CDK5RAP1: variants seen among roughly 807,000 people sequenced by gnomAD.
The protein encoded by CDK5RAP1 is mitochondrial tRNA methylthiotransferase CDK5RAP1.
In CDK5RAP1, 62 loss-of-function variants were observed where a neutral mutation model predicts 64.5. The observed-to-expected ratio is 0.96, with a 90% CI of 0.78 to 1.19. CDK5RAP1 has a LOEUF of 1.19. Ranked by LOEUF, CDK5RAP1 falls within the 50% of genes most tolerant of loss-of-function variation. The pLI is 0.00. For synonymous variants in CDK5RAP1, 250 were observed against 261.9 expected (o/e 0.95, Z 0.44); for missense variants, 657 against 735.0 (o/e 0.89, Z 1.23).
intron 7 of CDK5RAP1, among the ~76,000 whole-genome samples, chr20:33,383,121 C>T (rs560174561): frequency 7.3e-5 from 11 of 151,404 alleles, no homozygotes; most frequent in Admixed American, 3.3e-4. Context: ...GCGGAGGTTG[C>T]GGTGAGCCAA....
chr20:33,388,858 C>T (rs760563296), intron 5 of CDK5RAP1, among the ~76,000 whole-genome samples: 44 of 152,060 alleles, frequency 2.9e-4, no homozygotes, highest in Non-Finnish European at 3.7e-4. Flanking sequence ...AGCTCCTAAC[C>T]GGGAGTGATC....
intron 4 of CDK5RAP1, among the ~76,000 whole-genome samples, chr20:33,393,822 A>T (rs1423577551): frequency 6.6e-6 from 1 of 152,168 alleles, no homozygotes; most frequent in African/African-American, 2.4e-5. Flanking sequence ...TTGTTAATGC[A>T]TTATGTTACT....
Position 33,372,659 on chromosome 20 carries a change from AT to A in CDK5RAP1, c.1243del (p.Ile415LeufsTer8). On this transcript the variant is annotated frameshift_variant, in exon 10 of 14. Transcript: ENST00000346416. LOFTEE classifies it high-confidence loss of function. ...REAYVELVHH[I>X]RESIPGVSLS... The stretch of plus-strand genomic sequence containing the variant: ...AAATGTACCTGGAATAGATTCTCTA[AT>A]ATGGTGAACTAACTCCACATAAGCT... The A allele has an allele frequency of 6.4e-7, 1 of 1,563,336 alleles. No individual in the cohort carries two copies. The highest frequency in any genetic ancestry group is 8.6e-7 in the Non-Finnish European group (1 of 1,158,006).
chr20:33,385,063 G>A (rs562700183), intron 7 of CDK5RAP1, among the ~76,000 whole-genome samples: 5 of 152,204 alleles, frequency 3.3e-5, no homozygotes, highest in East Asian at 1.9e-4. Flanking sequence ...ATTCAGGCCC[G>A]GGGCTAAGGA....
chr20:33,373,149 C>CGTGTGTGTGTGT (rs148856565), intron 9 of CDK5RAP1: 1,453 of 139,996 alleles, frequency 0.01, 29 homozygotes, highest in African/African-American at 0.024. Flanking sequence ...CCATGTTGCC[C>CGTGTGTGTGTGT]GTGTGTGTGT....
Position 33,392,137 on chromosome 20 carries a change from G to A in CDK5RAP1, c.544+5C>T, listed in dbSNP as rs1175805201. Reference sequence around the variant, plus strand: ...AGCTGACAAAATGTGCAAATTACCAGATACCTAGAATTCCAATCCTCAGAG... The same window carrying A: ...AGCTGACAAAATGTGCAAATTACCAAATACCTAGAATTCCAATCCTCAGAG... On this transcript the variant is annotated splice_donor_5th_base_variant and intron_variant, in intron 5 of 13. Transcript: ENST00000346416. The A allele has an allele frequency of 1.9e-6, 3 of 1,577,548 alleles. No individual in the cohort carries two copies. The Admixed American group carries it at 5.2e-5, about 27-fold the overall frequency.
intron 7 of CDK5RAP1, among the ~76,000 whole-genome samples, chr20:33,382,790 C>T (rs1422026475): frequency 6.6e-6 from 1 of 150,980 alleles, no homozygotes; most frequent in South Asian, 2.1e-4. Flanking sequence ...ACTTGAGTCC[C>T]GGGGGCAGAG....
At chr20:33,399,837 G>A (rs976480788) in intron 1 of CDK5RAP1, among the ~76,000 whole-genome samples, 1 of 152,096 alleles carries the variant, frequency 6.6e-6, no homozygotes, top group African/African-American at 2.4e-5. Flanking sequence ...ACCAGCCTGG[G>A]CAACATGGCA....
At chr20:33,380,930 G>C (rs957798014) in intron 7 of CDK5RAP1, among the ~76,000 whole-genome samples, 4 of 152,136 alleles carry the variant, frequency 2.6e-5, no homozygotes, top group Non-Finnish European at 5.9e-5. Flanking sequence ...AACCCAGGAG[G>C]CAGAGGCTGC....
chr20:33,372,305 T>C (rs1361535581), intron 10 of CDK5RAP1, among the ~76,000 whole-genome samples: 1 of 151,550 alleles, frequency 6.6e-6, no homozygotes, highest in Non-Finnish European at 1.5e-5. Flanking sequence ...TATCAATTGT[T>C]CTCAAATCAG....
chr20:33,389,036 C>T (rs1192229425), intron 5 of CDK5RAP1, among the ~76,000 whole-genome samples: 1 of 152,306 alleles, frequency 6.6e-6, no homozygotes. Context: ...AGCCTCTGCC[C>T]GGCCGCCACC....
At chr20:33,379,736 C>T in intron 7 of CDK5RAP1, 45 bp from the exon 8 acceptor site, 1 of 1,407,790 alleles carries the variant, frequency 7.1e-7, no homozygotes, top group Non-Finnish European at 9.9e-7. Flanking sequence ...TTTTGGGTAG[C>T]TTCATAAAAA....
At chr20:33,365,944 G>A (rs1044962606) in intron 12 of CDK5RAP1, among the ~76,000 whole-genome samples, 4 of 152,204 alleles carry the variant, frequency 2.6e-5, no homozygotes, top group Non-Finnish European at 5.9e-5. Context: ...CTAAGAGAAA[G>A]CAATGACTCC....
At chr20:33,372,276 T>TAA (rs140253341) in intron 10 of CDK5RAP1, among the ~76,000 whole-genome samples, 33,731 of 138,840 alleles carry the variant, frequency 0.24, 4,712 homozygotes, top group East Asian at 0.43. Flanking sequence ...TTCTTATTTC[T>TAA]AAAAAAAAAA....
chr20:33,366,956 A>T lies in CDK5RAP1; in HGVS notation c.1445T>A (p.Leu482Ter). 1 of 1,613,732 alleles carries T rather than the reference A, an allele frequency of 6.2e-7. No individual in the cohort carries two copies. Among genetic ancestry groups the T allele is most frequent in the Non-Finnish European group, 8.5e-7 (1 of 1,179,886 alleles). ...LKDDVPEEVK[L>*]RRLEELITIF... ...AGTGATGAGTTCCTCCAAACGCCTT[A>T]ATTTTACCTCTTCCGGGACATCATC... The change falls in exon 12 of 14, where the codon TTA (leucine) becomes TAA (stop). Residue 482 changes from leucine (L) to a stop codon, truncating the protein, a stop_gained. Coordinates refer to ENST00000346416, the MANE Select transcript of CDK5RAP1 (RefSeq NM_016408.4). LOFTEE classifies it high-confidence loss of function.
Position 33,379,529 on chromosome 20 carries a change from C to T in CDK5RAP1, c.1039G>A (p.Val347Ile), listed in dbSNP as rs779751982. ...GLRFAHLLDQ[V>I]SRVDPEMRIR... is the part of the protein sequence containing the mutation. ...CTCATTTCAGGATCTACTCTGGAGA[C>T]CTGATCCAGAAGATGAGCAAAACGA... The change falls in exon 8 of 14, where the codon GTC (valine) becomes ATC (isoleucine). Residue 347 changes from valine (V) to isoleucine (I), a missense_variant. Coordinates refer to ENST00000346416, the MANE Select transcript of CDK5RAP1 (RefSeq NM_016408.4). 1 of 1,614,030 alleles carries T rather than the reference C, an allele frequency of 6.2e-7. No homozygotes were observed. The highest frequency in any genetic ancestry group is 1.7e-5 in the Admixed American group (1 of 60,000).
At chr20:33,366,761 G>T in intron 12 of CDK5RAP1, 98 bp downstream of exon 12, 1 of 1,159,300 alleles carries the variant, frequency 8.6e-7, no homozygotes, top group Non-Finnish European at 1.2e-6. Context: ...GAGCCCAGCA[G>T]TTTGAGTCCA....
Position 33,401,439 on chromosome 20 carries a change from G to A in CDK5RAP1, c.-32C>T. Reference sequence around the variant, plus strand: ...GCCGCGCTGCTCACCTCCCGCAGCAGCAACAGTGCCCGGGGTCCCGCAGCG... The same window carrying A: ...GCCGCGCTGCTCACCTCCCGCAGCAACAACAGTGCCCGGGGTCCCGCAGCG... On this transcript the variant is annotated 5_prime_UTR_variant, in exon 1 of 14. Coordinates refer to ENST00000346416, the MANE Select transcript of CDK5RAP1 (RefSeq NM_016408.4). 1.0e-6 allele frequency: 1 copy of A among 985,506 alleles called. No homozygotes were observed. Among genetic ancestry groups the A allele is most frequent in the Non-Finnish European group, 1.2e-6 (1 of 829,954 alleles). 61.0% of individuals were successfully genotyped at this position (985,506 alleles called of 1,614,324 possible).
chr20:33,399,594 C>T (rs1568737576), intron 1 of CDK5RAP1, among the ~76,000 whole-genome samples: 1 of 152,206 alleles, frequency 6.6e-6, no homozygotes, highest in African/African-American at 2.4e-5. Context: ...AGCTGCCTCA[C>T]GGCAGGTGCT....
Sources: gnomAD v4.1 joint callset for allele counts (sites outside exome capture counted in the v4.1 genomes callset) on GRCh38, gnomAD v4.1.1 for gene constraint, MANE v1.5 for transcripts, NCBI Gene and HGNC (gene_info 2026-07-23, HGNC 2026-07-21) for gene names.